The following CAMK2D variants were observed in gnomAD, a reference collection of about 807,000 sequenced individuals.
CAMK2D encodes the protein calcium/calmodulin dependent protein kinase II delta, also known as calcium/calmodulin-dependent protein kinase type II subunit delta.
Under a neutral mutation model 84.0 loss-of-function variants are expected in CAMK2D, and 37 were observed. The ratio of observed to expected loss-of-function variants is 0.44; its 90% CI spans 0.34 to 0.58. The LOEUF (loss-of-function observed/expected upper bound fraction) is 0.58, where lower values mean the gene tolerates loss of function less well. Among genes scored for constraint, CAMK2D ranks in the 20% least tolerant of loss-of-function variants. The pLI, the probability that CAMK2D is intolerant of heterozygous loss-of-function variation, is 0.02. For synonymous variants in CAMK2D, 202 were observed against 212.5 expected, an observed-to-expected ratio of 0.95 and a Z score of 0.43; for missense variants, 448 against 652.5, an observed-to-expected ratio of 0.69 and a Z score of 3.41.
rs1256861608 is a variant in CAMK2D at position 113,761,494 on chromosome 4, A to G, written c.-426T>C. On this transcript the variant is annotated 5_prime_UTR_variant, in exon 1 of 21. Coordinates refer to ENST00000511664, the MANE Select transcript of CAMK2D (RefSeq NM_001321571.2). ...GGAGGAGTAGAAGCAGAGGGGAGGG[A>G]GTCCGAGGGGGCGGAGGTGGAGTGC... is the stretch of plus-strand genomic sequence containing the variant. The G allele has an allele frequency of 1.9e-6, 2 of 1,052,176 alleles. No individual in the cohort carries two copies. Among genetic ancestry groups the G allele is most frequent in the South Asian group, 3.1e-5 (1 of 32,486 alleles). 65.2% of individuals were successfully genotyped at this position (1,052,176 alleles called of 1,614,324 possible).
chr4:113,677,631 G>A, intron 2 of CAMK2D: 1 of 564,704 alleles, frequency 1.8e-6, no homozygotes. Context: ...GCCCATGTCA[G>A]TAGTGGCCCT....
At chr4:113,624,212 C>T (rs2099058332) in intron 3 of CAMK2D, among the ~76,000 whole-genome samples, 1 of 152,030 alleles carries the variant, frequency 6.6e-6, no homozygotes, top group South Asian at 2.1e-4. Flanking sequence ...AGTAATACAT[C>T]CTAAGATTTG....
chr4:113,503,066 G>T, intron 14 of CAMK2D, 89 bp from the exon 15 acceptor site: 2 of 923,336 alleles, frequency 2.2e-6, no homozygotes, highest in South Asian at 1.3e-5. Flanking sequence ...TGAGCCAGCT[G>T]ACAAAATGAA....
rs890881098 is a variant in CAMK2D at position 113,452,417 on chromosome 4, C to T, written c.*2128G>A. ...GAAGAAATAAAGATGGACGCACTGT[C>T]AGCAGAAATCACAAATTTATTAACT... On this transcript the variant is annotated 3_prime_UTR_variant, in exon 21 of 21. Transcript: ENST00000511664. The T allele has an allele frequency of 6.6e-6, 1 of 152,448 alleles. No individual in the cohort carries two copies. The highest frequency in any genetic ancestry group is 1.5e-5 in the Non-Finnish European group (1 of 68,038). The allele number at this position is 152,448 out of a possible 1,614,324, so 9.4% of individuals were successfully genotyped here. A position where few individuals can be genotyped will look rare whatever the true frequency, so the allele number is the denominator to read the frequency against.
At chr4:113,619,538 CCA>C (rs2099036310) in intron 3 of CAMK2D, among the ~76,000 whole-genome samples, 1 of 152,148 alleles carries the variant, frequency 6.6e-6, no homozygotes, top group African/African-American at 2.4e-5. Context: ...CCATTGCACT[CCA>C]ACTTCATTGG....
chr4:113,643,789 T>C (rs2099141338), intron 3 of CAMK2D, among the ~76,000 whole-genome samples: 1 of 152,198 alleles, frequency 6.6e-6, no homozygotes, highest in African/African-American at 2.4e-5. Flanking sequence ...TTATATCTGA[T>C]AAGGGCCAAC....
intron 16 of CAMK2D, among the ~76,000 whole-genome samples, chr4:113,469,352 A>G (rs1200611848): frequency 6.6e-6 from 1 of 152,146 alleles, no homozygotes; most frequent in East Asian, 1.9e-4. Context: ...ACTCCTTCCC[A>G]CCTTCTTGTC....
chr4:113,605,825 G>C (rs148633220), intron 4 of CAMK2D, among the ~76,000 whole-genome samples: 1 of 152,104 alleles, frequency 6.6e-6, no homozygotes, highest in Admixed American at 6.5e-5. Context: ...GATGGCACCT[G>C]CTTACTCTGG....
At chr4:113,502,889 A>C in intron 15 of CAMK2D, 47 bp downstream of exon 15, 1 of 1,256,714 alleles carries the variant, frequency 8.0e-7, no homozygotes, top group Non-Finnish European at 1.2e-6. Flanking sequence ...ATTTGATGAG[A>C]TGTATAGTCT....
intron 2 of CAMK2D, among the ~76,000 whole-genome samples, chr4:113,727,732 CCA>C: frequency 6.6e-6 from 1 of 152,170 alleles, no homozygotes; most frequent in Non-Finnish European, 1.5e-5. Flanking sequence ...AATAGGCAAA[CCA>C]CAGTCTGGAA....
intron 6 of CAMK2D, 151 bp from the exon 7 acceptor site, chr4:113,537,594 A>ATCC (rs1491093006): frequency 3.9e-5 from 24 of 613,222 alleles, no homozygotes; most frequent in African/African-American, 3.5e-4. Flanking sequence ...CAGGGAAAAT[A>ATCC]CAGTTAGAAA....
intron 2 of CAMK2D, among the ~76,000 whole-genome samples, chr4:113,707,537 T>C (rs1462223516): frequency 3.3e-5 from 5 of 152,180 alleles, no homozygotes; most frequent in Admixed American, 3.3e-4. Context: ...TCTAGAATTA[T>C]TTAAACTAGA....
At chr4:113,488,944 T>A (rs1038597035) in intron 16 of CAMK2D, among the ~76,000 whole-genome samples, 15 of 152,114 alleles carry the variant, frequency 9.9e-5, no homozygotes, top group Non-Finnish European at 2.1e-4. Flanking sequence ...AAACTTAGGA[T>A]AACTTGGCAG....
chr4:113,503,120 C>A, intron 14 of CAMK2D, 143 bp from the exon 15 acceptor site: 1 of 746,370 alleles, frequency 1.3e-6, no homozygotes, highest in Non-Finnish European at 2.5e-6. Flanking sequence ...GTCAGAGTTG[C>A]AGCTGACAAT....
intron 2 of CAMK2D, among the ~76,000 whole-genome samples, chr4:113,757,936 G>A (rs2099632288): frequency 6.6e-6 from 1 of 152,060 alleles, no homozygotes; most frequent in Admixed American, 6.6e-5. Context: ...GATTTGTTTT[G>A]AAAGAAACAC....
At chr4:113,515,280 G>T in intron 9 of CAMK2D, 89 bp from the exon 10 acceptor site, 2 of 796,672 alleles carry the variant, frequency 2.5e-6, no homozygotes, top group Non-Finnish European at 3.9e-6. Flanking sequence ...ATTCCCTCAA[G>T]TAGTGAATTT....
chr4:113,606,210 C>A lies in CAMK2D; in HGVS notation c.275+2942G>T, dbSNP rs1043009995. ...GATGGGCCAGGCACAGTGGCTCATG[C>A]CTGTAATCCCAGCACTTAGGGAGGC... is the stretch of plus-strand genomic sequence containing the variant. On this transcript the variant is annotated intron_variant, in intron 4 of 20. Transcript: ENST00000511664. Among the ~76,000 whole-genome samples the A allele has an allele frequency of 7.9e-5, 12 of 152,214 alleles. No homozygotes were observed. In the South Asian group the frequency reaches 1.7e-3, roughly 21 times the overall value.
At chr4:113,744,902 C>T (rs927612327) in intron 2 of CAMK2D, among the ~76,000 whole-genome samples, 1 of 152,112 alleles carries the variant, frequency 6.6e-6, no homozygotes, top group African/African-American at 2.4e-5. Flanking sequence ...ATTGTGTATA[C>T]CTCAAATACA....
chr4:113,718,075 G>C (rs1250718925), intron 2 of CAMK2D, among the ~76,000 whole-genome samples: 1 of 151,942 alleles, frequency 6.6e-6, no homozygotes, highest in Admixed American at 6.6e-5. Context: ...CTGCCCAATG[G>C]GTTTTCTTTA....
Sources: allele counts gnomAD v4.1 joint callset (sites outside exome capture counted in the v4.1 genomes callset), GRCh38; gene constraint gnomAD v4.1.1; transcripts MANE v1.5; gene names NCBI Gene and HGNC (gene_info 2026-07-23, HGNC 2026-07-21).